TUB: variants seen among roughly 807,000 people sequenced by gnomAD.
The protein encoded by TUB is TUB bipartite transcription factor.
TUB carries 33 observed loss-of-function variants against 59.7 expected under a neutral mutation model. That is an observed-to-expected ratio of 0.55 (90% CI 0.42 to 0.74). The LOEUF (loss-of-function observed/expected upper bound fraction) is 0.74. TUB is among the 30% of genes least tolerant of loss of function. TUB has a pLI of 0.00. For missense variants in TUB, 659 were observed against 672.0 expected (o/e 0.98, Z 0.21); for synonymous variants, 293 against 256.4 (o/e 1.14, Z -1.36).
chr11:8,035,405 G>C (rs1214161084), upstream of TUB: 4 of 152,306 alleles, frequency 2.6e-5, no homozygotes, highest in Non-Finnish European at 4.4e-5. Flanking sequence ...GCTTTATTCA[G>C]CTTACCCTGG....
chr11:8,037,181 G>A (rs115692064), upstream of TUB, among the ~76,000 whole-genome samples: 3,375 of 152,292 alleles, frequency 0.022, 134 homozygotes, highest in African/African-American at 0.076. Flanking sequence ...ATGTCTGTGC[G>A]TGTGCCCCTT....
chr11:8,105,621 T>TAAAG lies in TUB; in HGVS notation c.*4004_*4007dup, dbSNP rs1192318751. ...TAGGTCCATTTTCCTAACCACAAGATAAAGATGTTACATTGTCAAAGCTTG... is the reference window on the plus strand; with the variant it reads ...TAGGTCCATTTTCCTAACCACAAGATAAAGAAAGATGTTACATTGTCAAAGCTTG... On this transcript the variant is annotated 3_prime_UTR_variant, in exon 12 of 12. Coordinates refer to ENST00000299506, the MANE Select transcript of TUB (RefSeq NM_177972.3). The TAAAG allele has an allele frequency of 1.3e-5, 2 of 152,158 alleles. No individual in the cohort carries two copies. Among genetic ancestry groups the TAAAG allele is most frequent in the Non-Finnish European group, 2.9e-5 (2 of 68,006 alleles). 9.4% of individuals were successfully genotyped at this position (152,158 alleles called of 1,614,324 possible).
chr11:8,090,321 C>CG, intron 3 of TUB, 90 bp downstream of exon 3: 2 of 1,502,856 alleles, frequency 1.3e-6, no homozygotes, highest in Admixed American at 2.0e-5. Context: ...CTGGTCCTGA[C>CG]GGGGGATGCC....
chr11:8,032,900 G>A (rs996504922), intron 1 of TUB, among the ~76,000 whole-genome samples: 2 of 152,202 alleles, frequency 1.3e-5, no homozygotes, highest in Non-Finnish European at 2.9e-5. Flanking sequence ...GGAGCAAGGC[G>A]AGTTAACTGC....
intron 1 of TUB, among the ~76,000 whole-genome samples, chr11:8,084,611 T>A (rs991787820): frequency 5.3e-5 from 8 of 152,210 alleles, no homozygotes; most frequent in African/African-American, 1.9e-4. Context: ...TGCCTGGTGT[T>A]TCTCTCACTT....
At chr11:8,079,715 T>G (rs1196528810), upstream of TUB, among the ~76,000 whole-genome samples, 3 of 151,410 alleles carry the variant, frequency 2.0e-5, no homozygotes, top group South Asian at 2.1e-4. Context: ...TGTGTAGGGG[T>G]GTGTGTGTGT....
intron 2 of TUB, among the ~76,000 whole-genome samples, chr11:8,067,085 G>T (rs553231232): frequency 6.6e-6 from 1 of 152,020 alleles, no homozygotes; most frequent in African/African-American, 2.4e-5. Flanking sequence ...TTCCTCCACC[G>T]TCTGGCCTCA....
chr11:8,101,698 CCT>C lies in TUB; in HGVS notation c.*82_*83del. On this transcript the variant is annotated 3_prime_UTR_variant, in exon 12 of 12. Coordinates refer to ENST00000299506, the MANE Select transcript of TUB (RefSeq NM_177972.3). Reference sequence around the variant, plus strand: ...TGCCTGTGGAGACAGCCCTGCCTATCCTCTGTATATAGGCCTTCCGCCAGATG... The same window carrying C: ...TGCCTGTGGAGACAGCCCTGCCTATCCTGTATATAGGCCTTCCGCCAGATG... 2 of 1,562,082 alleles carry C rather than the reference CCT, an allele frequency of 1.3e-6. No individual in the cohort carries two copies. The highest frequency in any genetic ancestry group is 1.7e-6 in the Non-Finnish European group (2 of 1,154,914).
rs906651092 is a variant in TUB at position 8,031,688 on chromosome 11, A to G, written c.56+12330A>G. Among the ~76,000 whole-genome samples the G allele has an allele frequency of 2.6e-5, 4 of 152,254 alleles. No individual in the cohort carries two copies. In the East Asian group the frequency reaches 5.8e-4, roughly 22 times the overall value. On this transcript the variant is annotated intron_variant, in intron 1 of 11. Coordinates refer to the TUB transcript ENST00000534099. ...CACTTTTAGTGTAACTGGAGAGCCC[A>G]GGGACCAGTCCGAGCTGGCCATGCG... is the stretch of plus-strand genomic sequence containing the variant.
At chr11:8,020,300 T>C (rs1368479379) in intron 1 of TUB, among the ~76,000 whole-genome samples, 9 of 152,218 alleles carry the variant, frequency 5.9e-5, no homozygotes, top group African/African-American at 1.2e-4. Flanking sequence ...CTTCATTTAC[T>C]GGGCTGCTCT....
In TUB at chr11:8,097,341, C is replaced by T. The variant is rs1333648196; in HGVS notation, c.801C>T (p.Cys267=). The T allele has an allele frequency of 1.9e-6, 3 of 1,614,078 alleles. No homozygotes were observed. Among genetic ancestry groups the T allele is most frequent in the Admixed American group, 1.7e-5 (1 of 60,002 alleles). Residue 267 remains cysteine (C), a synonymous_variant, in exon 7 of 12, where the codon TGC becomes TGT. Coordinates refer to ENST00000299506, the MANE Select transcript of TUB (RefSeq NM_177972.3). ...RPAPQGITIK[C]RITRDKKGMD... is the part of the protein sequence containing the mutation. The stretch of plus-strand genomic sequence containing the variant: ...CCCCCCAGGGTATCACCATCAAATG[C>T]CGCATCACTCGGGACAAGAAAGGGA...
intron 2 of TUB, among the ~76,000 whole-genome samples, chr11:8,059,385 C>T (rs989548116): frequency 2.6e-5 from 4 of 152,066 alleles, no homozygotes; most frequent in African/African-American, 4.8e-5. Context: ...GAGGCAGGAG[C>T]GAGGCTGGGA....
chr11:8,099,005 G>T (rs559382717), intron 9 of TUB, 130 bp downstream of exon 9: 1 of 729,298 alleles, frequency 1.4e-6, no homozygotes, highest in Non-Finnish European at 2.4e-6. Flanking sequence ...GCTGTCCTCT[G>T]TGGAGTGTTC....
At chr11:8,084,827 C>T (rs1020563165) in intron 1 of TUB, among the ~76,000 whole-genome samples, 4 of 152,202 alleles carry the variant, frequency 2.6e-5, no homozygotes, top group African/African-American at 9.7e-5. Flanking sequence ...TGGAGCACTG[C>T]TTGAAAAGCA....
In TUB at chr11:8,097,315, G is replaced by A. The variant is rs760952097; in HGVS notation, c.775G>A (p.Ala259Thr). The change falls in exon 7 of 12, where the codon GCC (alanine) becomes ACC (threonine). Residue 259 changes from alanine (A) to threonine (T), a missense_variant. This residue lies in a region of TUB where 112 missense variants were observed against 156.9 expected (regional missense o/e 0.71). Coordinates refer to ENST00000299506, the MANE Select transcript of TUB (RefSeq NM_177972.3). The stretch of plus-strand genomic sequence containing the variant: ...TCTTGAGGAGTTTGCACTGAGGCCG[G>A]CCCCCCAGGGTATCACCATCAAATG... ...QDLEEFALRP[A>T]PQGITIKCRI... 5 of 1,614,096 alleles carry A rather than the reference G, an allele frequency of 3.1e-6. No individual in the cohort carries two copies. Among genetic ancestry groups the A allele is most frequent in the South Asian group, 1.1e-5 (1 of 91,076 alleles).
chr11:8,055,699 A>C (rs1336358491), intron 2 of TUB, among the ~76,000 whole-genome samples: 1 of 152,248 alleles, frequency 6.6e-6, no homozygotes, highest in African/African-American at 2.4e-5. Flanking sequence ...GACAGGATAG[A>C]GTCCAACCTT....
chr11:8,087,192 G>A (rs1943685105), intron 1 of TUB, among the ~76,000 whole-genome samples: 1 of 152,244 alleles, frequency 6.6e-6, no homozygotes, highest in African/African-American at 2.4e-5. Context: ...TTGAGCAGCT[G>A]CTGTGACCCA....
intron 2 of TUB, among the ~76,000 whole-genome samples, chr11:8,057,391 C>T (rs933288795): frequency 5.3e-5 from 8 of 152,052 alleles, no homozygotes; most frequent in African/African-American, 1.7e-4. Flanking sequence ...TTTCTGTAAC[C>T]GGTCACAGGG....
intron 2 of TUB, among the ~76,000 whole-genome samples, chr11:8,053,504 TTATC>T (rs966601049): frequency 7.2e-5 from 11 of 151,836 alleles, no homozygotes; most frequent in Non-Finnish European, 1.6e-4. Flanking sequence ...ATTTATTAAT[TTATC>T]TATTTATTTT....
Sources: gnomAD v4.1 joint callset for allele counts (sites outside exome capture counted in the v4.1 genomes callset) on GRCh38, gnomAD v4.1.1 for gene constraint, gnomAD v4.1.1 regional missense constraint, MANE v1.5 for transcripts, NCBI Gene and HGNC (gene_info 2026-07-23, HGNC 2026-07-21) for gene names.